Variants in COL12A1 observed in about 807,000 individuals in gnomAD.
The protein encoded by COL12A1 is collagen type XII alpha 1 chain.
Under a neutral mutation model 349.7 loss-of-function variants are expected in COL12A1, and 114 were observed. The observed-to-expected ratio is 0.33, with a 90% CI of 0.28 to 0.38. COL12A1 has a LOEUF of 0.38. Among genes scored for constraint, COL12A1 ranks in the 10% least tolerant of loss-of-function variants. The pLI is 1.00. For missense variants in COL12A1, 3,284 were observed against 3,756.9 expected (o/e 0.87, Z 3.29); for synonymous variants, 1,369 against 1,329.0 (o/e 1.03, Z -0.66).
At chr6:75,172,543 A>C (rs976064334) in intron 13 of COL12A1, among the ~76,000 whole-genome samples, 5 of 152,220 alleles carry the variant, frequency 3.3e-5, no homozygotes, top group Non-Finnish European at 7.4e-5. Flanking sequence ...CCTCTAAAAA[A>C]ATCTTATGAA....
intron 54 of COL12A1, 75 bp from the exon 55 acceptor site, chr6:75,103,885 G>GA: frequency 8.8e-7 from 1 of 1,142,562 alleles, no homozygotes. Context: ...AGTCCTTCAA[G>GA]AAAAAGTGCA....
intron 8 of COL12A1, among the ~76,000 whole-genome samples, chr6:75,185,468 A>G (rs1364782771): frequency 6.6e-6 from 1 of 152,244 alleles, no homozygotes; most frequent in East Asian, 1.9e-4. Flanking sequence ...GCTCAAAGAA[A>G]TCAGAGATGA....
rs766225201 is a variant in COL12A1 at position 75,130,833 on chromosome 6, G to T, written c.6067+19C>A. The T allele has an allele frequency of 5.0e-6, 8 of 1,613,752 alleles. No homozygotes were observed. The African/African-American group carries it at 1.1e-4, about 22-fold the overall frequency. ...TCTAGCTACAAGGGAATGGAATGGA[G>T]AAAGGATTTCTGCCTCACGCGTTCG... On this transcript the variant is annotated intron_variant, in intron 36 of 65. Transcript: ENST00000322507.
chr6:75,182,117 A>G (rs989746928), intron 10 of COL12A1, among the ~76,000 whole-genome samples: 12 of 151,910 alleles, frequency 7.9e-5, no homozygotes, highest in African/African-American at 2.9e-4. Context: ...AAAAAGAAAA[A>G]AAAACAGTAC....
chr6:75,088,416 G>A (rs1173681417), intron 64 of COL12A1, among the ~76,000 whole-genome samples: 10 of 149,958 alleles, frequency 6.7e-5, no homozygotes, highest in Non-Finnish European at 1.3e-4. Flanking sequence ...GAAGACTACT[G>A]GAAAAAACAG....
Position 75,133,868 on chromosome 6 carries a change from G to A in COL12A1, c.5654C>T (p.Pro1885Leu). ...ACAAGAAATAATTACCAGTTCCTCT[G>A]GACCACCTGCTGCTGGTGCATAGAA... ...KLFYAPAAGG[P>L]EELVPIPGNT... Residue 1885 changes from proline (P) to leucine (L), a missense_variant, in exon 33 of 66, where the codon CCA (proline) becomes CTA (leucine). By Grantham distance (98) the Pro-to-Leu change is moderately conservative. Transcript: ENST00000322507. The A allele has an allele frequency of 6.2e-7, 1 of 1,613,986 alleles. No individual in the cohort carries two copies. The highest frequency in any genetic ancestry group is 1.1e-5 in the South Asian group (1 of 91,058).
chr6:75,120,007 G>C (rs949455750), intron 44 of COL12A1, among the ~76,000 whole-genome samples: 1 of 152,146 alleles, frequency 6.6e-6, no homozygotes, highest in Non-Finnish European at 1.5e-5. Context: ...CCTAGCTCTG[G>C]CATTTAATAG....
chr6:75,113,015 C>T lies in COL12A1; in HGVS notation c.7950+189G>A, dbSNP rs932697330. 1.7e-5 allele frequency: 6 copies of T among 352,890 alleles called. 1 individual carries two copies. The South Asian group carries it at 1.9e-4, about 11-fold the overall frequency. 21.9% of individuals were successfully genotyped at this position (352,890 alleles called of 1,614,324 possible). The stretch of plus-strand genomic sequence containing the variant: ...ATTAAAAATAAATCAAAATATTACT[C>T]GTTATCTCTTGATTAGTATATTGTT... On this transcript the variant is annotated intron_variant, in intron 51 of 65. Transcript: ENST00000322507.
intron 13 of COL12A1, among the ~76,000 whole-genome samples, chr6:75,172,032 A>T (rs949853750): frequency 6.6e-6 from 1 of 152,240 alleles, no homozygotes; most frequent in Non-Finnish European, 1.5e-5. Context: ...CTTGCAAATT[A>T]TCTAGCTTTC....
chr6:75,095,023 C>T (rs981959245), intron 60 of COL12A1, 85 bp downstream of exon 60: 1 of 1,255,888 alleles, frequency 8.0e-7, no homozygotes, highest in African/African-American at 1.5e-5. Context: ...GCAGAGATAA[C>T]CTAAATATAA....
At chr6:75,149,140 G>T (rs774894732) in intron 21 of COL12A1, among the ~76,000 whole-genome samples, 108 of 152,122 alleles carry the variant, frequency 7.1e-4, no homozygotes, top group Non-Finnish European at 9.6e-4. Flanking sequence ...TTTATTAGCA[G>T]CATGAGAACA....
intron 2 of COL12A1, among the ~76,000 whole-genome samples, chr6:75,196,108 T>G (rs532747836): frequency 1.6e-4 from 24 of 152,348 alleles, no homozygotes; most frequent in African/African-American, 5.8e-4. Context: ...AATGATATTC[T>G]CTCTACAATG....
intron 37 of COL12A1, 24 bp downstream of exon 37, chr6:75,130,067 C>T (rs746597204): frequency 3.7e-6 from 6 of 1,609,340 alleles, no homozygotes; most frequent in East Asian, 2.2e-5. Context: ...ATAAAATGTG[C>T]CAATAAATGA....
rs776381520 is a variant in COL12A1, at chr6:75,183,388, T to C, written c.1553A>G (p.Asn518Ser). ...NTFPYRGGST[N>S]TGKAMTYVRE... ...GACATAAGTCATTGCTTTGCCAGTA[T>C]TTGTAGATCCTCCTCTGTAAGGGAA... The change falls in exon 10 of 66, where the codon AAT becomes AGT. Residue 518 changes from asparagine (N) to serine (S), a missense_variant. By Grantham distance (46) the Asn-to-Ser change is conservative. Around this residue, in one of 2 missense-constraint regions of COL12A1, gnomAD observed 2,601 missense variants for 2,824.8 expected, o/e 0.92. Transcript: ENST00000322507. 6.2e-7 allele frequency: 1 copy of C among 1,614,254 alleles called. No homozygotes were observed. Among genetic ancestry groups the C allele is most frequent in the South Asian group, 1.1e-5 (1 of 91,090 alleles).
intron 40 of COL12A1, 88 bp from the exon 41 acceptor site, chr6:75,124,459 T>C: frequency 5.1e-6 from 5 of 975,248 alleles, no homozygotes; most frequent in Non-Finnish European, 7.5e-6. Context: ...AAACTTTCAC[T>C]GTGGCTAAAA....
chr6:75,108,521 G>A (rs937513357), intron 52 of COL12A1, among the ~76,000 whole-genome samples: 4 of 152,214 alleles, frequency 2.6e-5, no homozygotes, highest in Non-Finnish European at 4.4e-5. Flanking sequence ...AAAGTTGTGA[G>A]TAATGGGGTC....
At chr6:75,192,554 C>T (rs1330689488) in intron 3 of COL12A1, among the ~76,000 whole-genome samples, 199 bp from the exon 4 acceptor site, 1 of 151,924 alleles carries the variant, frequency 6.6e-6, no homozygotes, top group Non-Finnish European at 1.5e-5. Context: ...ACTGGTATTG[C>T]TTTTATTTGT....
At chr6:75,101,788 T>G (rs1562114399) in intron 57 of COL12A1, 135 bp from the exon 58 acceptor site, 1 of 1,069,030 alleles carries the variant, frequency 9.4e-7, no homozygotes. Flanking sequence ...CCAAGCACAT[T>G]GCCAAGCATA....
intron 58 of COL12A1, among the ~76,000 whole-genome samples, chr6:75,099,686 AG>A (rs1582045826): frequency 6.6e-6 from 1 of 152,344 alleles, no homozygotes; most frequent in East Asian, 1.9e-4. Context: ...TAACCAAGTG[AG>A]GGGGCTGAGA....
Sources: gnomAD v4.1 joint callset for allele counts (sites outside exome capture counted in the v4.1 genomes callset) on GRCh38, gnomAD v4.1.1 for gene constraint, gnomAD v4.1.1 regional missense constraint, MANE v1.5 for transcripts, NCBI Gene and HGNC (gene_info 2026-07-23, HGNC 2026-07-21) for gene names.